GPR149: variants seen among roughly 807,000 people sequenced by gnomAD.
GPR149 encodes the protein probable G protein-coupled receptor 149.
Under a neutral mutation model 50.2 loss-of-function variants are expected in GPR149, and 50 were observed. The ratio of observed to expected loss-of-function variants is 1.00; its 90% CI spans 0.79 to 1.26. GPR149 has a LOEUF of 1.26. GPR149 is among the 50% of genes most tolerant of loss of function. The pLI is 0.00. For synonymous variants in GPR149, 405 were observed against 358.2 expected (o/e 1.13, Z -1.48); for missense variants, 983 against 895.4 (o/e 1.10, Z -1.25).
rs1159407846 is a variant in GPR149, at chr3:154,421,152, C to A, written c.1510G>T (p.Glu504Ter). The A allele has an allele frequency of 6.2e-7, 1 of 1,613,428 alleles. No homozygotes were observed. The highest frequency in any genetic ancestry group is 1.1e-5 in the South Asian group (1 of 91,064). ...TCTGGCCCTTCAGAAAAGGTAGTTT[C>A]TTCATAGTTAATATCACCTCCTGTT... ...DKTGGDINYEETTFSEGPERR... is the reference protein window; with the variant it reads ...DKTGGDINYE The change falls in exon 3 of 4, where the codon GAA becomes TAA. Residue 504 changes from glutamate to a stop codon, truncating the protein, a stop_gained. Transcript: ENST00000389740. LOFTEE classifies it high-confidence loss of function.
At position 154,337,593 on chromosome 3, in the gene GPR149, A is replaced by G; in HGVS notation, c.*106T>C. On this transcript the variant is annotated 3_prime_UTR_variant, in exon 4 of 4. Coordinates refer to ENST00000389740, the MANE Select transcript of GPR149 (RefSeq NM_001038705.3). ...AAAAATTAACTATTAAATCAGTAAA[A>G]CTAATGTAAGCCAACAAATAAAAGG... 2.1e-6 allele frequency: 2 copies of G among 933,000 alleles called. No homozygotes were observed. Among genetic ancestry groups the G allele is most frequent in the Non-Finnish European group, 3.2e-6 (2 of 629,608 alleles). 57.8% of individuals were successfully genotyped at this position (933,000 alleles called of 1,614,324 possible). A position where few individuals can be genotyped will look rare whatever the true frequency, so the allele number is the denominator to read the frequency against.
chr3:154,365,152 C>T lies in GPR149; in HGVS notation c.1624-26881G>A, dbSNP rs1467357882. ...ACAGCTTGTGTACTTTGCATGCTTG[C>T]AATCTTAGCACCACTTCAATGATGA... On this transcript the variant is annotated intron_variant, in intron 3 of 3. Transcript: ENST00000389740. Among the ~76,000 whole-genome samples the T allele has an allele frequency of 2.6e-5, 4 of 152,140 alleles. No individual in the cohort carries two copies. In the East Asian group the frequency reaches 5.8e-4, roughly 22 times the overall value.
At chr3:154,409,943 G>A (rs1711790184) in intron 3 of GPR149, among the ~76,000 whole-genome samples, 1 of 152,150 alleles carries the variant, frequency 6.6e-6, no homozygotes, top group Non-Finnish European at 1.5e-5. Context: ...GTTACCGAAA[G>A]TCAAGATAAA....
chr3:154,417,322 G>A (rs1385507863), intron 3 of GPR149, among the ~76,000 whole-genome samples: 1 of 151,870 alleles, frequency 6.6e-6, no homozygotes, highest in Non-Finnish European at 1.5e-5. Context: ...TTCAATTCTT[G>A]TAAATTTTAT....
At position 154,374,416 on chromosome 3, in the gene GPR149, G is replaced by A. The variant is rs535166957; in HGVS notation, c.1624-36145C>T. 4.5e-4 allele frequency among the ~76,000 whole-genome samples: 69 copies of A among 151,760 alleles called. No individual in the cohort carries two copies. The South Asian group carries it at 0.01, about 22-fold the overall frequency. ...TCGAACTCCTGGACTCAAGTGATCC[G>A]CCCACCTTGGCCTCCTAAAGTGCTG... On this transcript the variant is annotated intron_variant, in intron 3 of 3. Transcript: ENST00000389740.
intron 3 of GPR149, among the ~76,000 whole-genome samples, chr3:154,381,615 T>C (rs1714931765): frequency 6.6e-6 from 1 of 152,178 alleles, no homozygotes; most frequent in Admixed American, 6.6e-5. Flanking sequence ...CTCTAATTGG[T>C]TTAAGATATT....
intron 3 of GPR149, chr3:154,354,095 C>A: frequency 2.1e-6 from 1 of 471,628 alleles, no homozygotes; most frequent in Non-Finnish European, 4.1e-6. Context: ...TGAAAGTCTA[C>A]AAATCCTTCT....
intron 3 of GPR149, among the ~76,000 whole-genome samples, chr3:154,416,872 T>C (rs1340212625): frequency 6.6e-6 from 1 of 152,024 alleles, no homozygotes; most frequent in African/African-American, 2.4e-5. Flanking sequence ...TTACAGATCC[T>C]ATAATGATAG....
At chr3:154,415,957 T>C (rs771136106) in intron 3 of GPR149, among the ~76,000 whole-genome samples, 1 of 151,870 alleles carries the variant, frequency 6.6e-6, no homozygotes, top group African/African-American at 2.4e-5. Context: ...AGGCTATAAA[T>C]AGGTTTTAAG....
At chr3:154,378,533 G>A (rs976869170) in intron 3 of GPR149, among the ~76,000 whole-genome samples, 9 of 152,138 alleles carry the variant, frequency 5.9e-5, no homozygotes, top group African/African-American at 7.2e-5. Context: ...TTTTTTGGTA[G>A]AATGCTAGGA....
At chr3:154,362,537 A>G (rs1390000494) in intron 3 of GPR149, among the ~76,000 whole-genome samples, 1 of 152,106 alleles carries the variant, frequency 6.6e-6, no homozygotes, top group East Asian at 1.9e-4. Flanking sequence ...TCATGAAGCT[A>G]ATGAAGCTTA....
chr3:154,392,906 C>T (rs1424466218), intron 3 of GPR149, among the ~76,000 whole-genome samples: 1 of 151,926 alleles, frequency 6.6e-6, no homozygotes, highest in African/African-American at 2.4e-5. Flanking sequence ...TCTGAACAGA[C>T]CTATACCCAG....
At chr3:154,426,871 C>CGTGTGTGT (rs61087162) in intron 2 of GPR149, among the ~76,000 whole-genome samples, 3 of 144,536 alleles carry the variant, frequency 2.1e-5, no homozygotes, top group African/African-American at 5.2e-5. Flanking sequence ...TGGACCAGGG[C>CGTGTGTGT]GTGTGTGTGT....
At chr3:154,376,553 A>T (rs1247830869) in intron 3 of GPR149, among the ~76,000 whole-genome samples, 1 of 152,222 alleles carries the variant, frequency 6.6e-6, no homozygotes, top group South Asian at 2.1e-4. Context: ...TGAATTTATA[A>T]TTTTTTCCAG....
At chr3:154,356,659 C>A (rs1714234868) in intron 3 of GPR149, among the ~76,000 whole-genome samples, 1 of 152,094 alleles carries the variant, frequency 6.6e-6, no homozygotes, top group South Asian at 2.1e-4. Flanking sequence ...GAACTACAAA[C>A]CACTGCTCAA....
chr3:154,359,447 G>T (rs1053825857), intron 3 of GPR149, among the ~76,000 whole-genome samples: 1 of 152,114 alleles, frequency 6.6e-6, no homozygotes, highest in African/African-American at 2.4e-5. Flanking sequence ...CCAGAGAGGG[G>T]CCAGCTTGTC....
At chr3:154,396,623 A>G (rs1044090401) in intron 3 of GPR149, among the ~76,000 whole-genome samples, 8 of 152,072 alleles carry the variant, frequency 5.3e-5, no homozygotes, top group Non-Finnish European at 1.2e-4. Flanking sequence ...TAAACAAAAT[A>G]TGATTCTATA....
chr3:154,381,428 C>A (rs1576914984), intron 3 of GPR149, among the ~76,000 whole-genome samples: 1 of 152,120 alleles, frequency 6.6e-6, no homozygotes, highest in Non-Finnish European at 1.5e-5. Flanking sequence ...ATATTTTTAT[C>A]TGAGAAATCA....
Position 154,415,228 on chromosome 3 carries a change from A to T in GPR149, c.1623+5811T>A, listed in dbSNP as rs975624193. 2.6e-5 allele frequency among the ~76,000 whole-genome samples: 4 copies of T among 151,884 alleles called. No individual in the cohort carries two copies. The South Asian group carries it at 8.3e-4, about 31-fold the overall frequency. On this transcript the variant is annotated intron_variant, in intron 3 of 3. Coordinates refer to ENST00000389740, the MANE Select transcript of GPR149 (RefSeq NM_001038705.3). Reference sequence around the variant, plus strand: ...TCTTAAGCCAGGAGACTTTTATGAGAATGTTAACAGAATTCTTAGCTAACA... The same window carrying T: ...TCTTAAGCCAGGAGACTTTTATGAGTATGTTAACAGAATTCTTAGCTAACA...
Sources: allele counts gnomAD v4.1 joint callset (sites outside exome capture counted in the v4.1 genomes callset), GRCh38; gene constraint gnomAD v4.1.1; transcripts MANE v1.5; gene names NCBI Gene and HGNC (gene_info 2026-07-23, HGNC 2026-07-21).